NALF1: variants seen among roughly 807,000 people sequenced by gnomAD.
The protein encoded by NALF1 is NALCN channel auxiliary factor 1.
NALF1 carries 3 observed loss-of-function variants against 48.4 expected under a neutral mutation model. The observed-to-expected ratio is 0.06, with a 90% CI of 0.03 to 0.16. The LOEUF is 0.16. Among genes scored for constraint, NALF1 ranks in the 10% least tolerant of loss-of-function variants. NALF1 has a pLI of 1.00. For missense variants in NALF1, 526 were observed against 571.5 expected, an observed-to-expected ratio of 0.92 and a Z score of 0.81; for synonymous variants, 262 against 245.7, an observed-to-expected ratio of 1.07 and a Z score of -0.62.
At chr13:107,467,648 T>G (rs1451392193) in intron 1 of NALF1, among the ~76,000 whole-genome samples, 1 of 152,180 alleles carries the variant, frequency 6.6e-6, no homozygotes, top group Non-Finnish European at 1.5e-5. Context: ...AATATTGCAT[T>G]TAGTAGGGGA....
intron 1 of NALF1, among the ~76,000 whole-genome samples, chr13:107,310,963 C>T (rs1048676466): frequency 6.6e-6 from 1 of 152,010 alleles, no homozygotes; most frequent in Non-Finnish European, 1.5e-5. Flanking sequence ...GCCAAGCCAT[C>T]TGGATTATTT....
intron 1 of NALF1, among the ~76,000 whole-genome samples, chr13:107,701,515 G>A (rs970260916): frequency 1.8e-4 from 27 of 152,068 alleles, no homozygotes; most frequent in Non-Finnish European, 2.9e-4. Flanking sequence ...AGGGAGGGAG[G>A]AGGAAATGAG....
In NALF1 at chr13:107,728,567, C is replaced by A. The variant is rs554486833; in HGVS notation, c.915+137115G>T. Among the ~76,000 whole-genome samples, 11 of 151,230 alleles carry A rather than the reference C, an allele frequency of 7.3e-5. No homozygotes were observed. In the East Asian group the frequency reaches 2.0e-3, roughly 27 times the overall value. ...GGAAAGGGGAGGGACAGCATTAGGA[C>A]AAATACCTAATGCATGCGGGGCTTA... On this transcript the variant is annotated intron_variant, in intron 1 of 2. Coordinates refer to ENST00000375915, the MANE Select transcript of NALF1 (RefSeq NM_001080396.3).
intron 1 of NALF1, among the ~76,000 whole-genome samples, chr13:107,673,199 C>T (rs1023947687): frequency 2.4e-4 from 36 of 152,308 alleles, no homozygotes; most frequent in Non-Finnish European, 4.7e-4. Context: ...TTCCCCTTCT[C>T]TTTCCTCCTG....
intron 1 of NALF1, among the ~76,000 whole-genome samples, chr13:107,755,586 A>G (rs1208100502): frequency 6.6e-6 from 1 of 150,944 alleles, no homozygotes; most frequent in African/African-American, 2.4e-5. Context: ...CCCAGAAGGC[A>G]GGAACTGTTA....
At chr13:107,397,038 C>T (rs747853504) in intron 1 of NALF1, among the ~76,000 whole-genome samples, 5 of 152,148 alleles carry the variant, frequency 3.3e-5, no homozygotes, top group Admixed American at 6.5e-5. Context: ...GAGCACTACC[C>T]TTGGTGGAAG....
At chr13:107,741,858 G>A (rs916309654) in intron 1 of NALF1, among the ~76,000 whole-genome samples, 11 of 152,228 alleles carry the variant, frequency 7.2e-5, no homozygotes, top group South Asian at 2.1e-4. Context: ...AATGAACAAG[G>A]AAAAACAGAG....
intron 1 of NALF1, among the ~76,000 whole-genome samples, chr13:107,469,122 T>C (rs1164260568): frequency 1.3e-5 from 2 of 152,172 alleles, no homozygotes; most frequent in South Asian, 4.1e-4. Context: ...TACTCAGTTT[T>C]AAAATTCTAC....
intron 1 of NALF1, among the ~76,000 whole-genome samples, chr13:107,736,264 C>T (rs1312482370): frequency 1.3e-5 from 2 of 151,928 alleles, no homozygotes; most frequent in Admixed American, 1.3e-4. Context: ...AACAGCTGCA[C>T]TGTGTTTGTT....
intron 1 of NALF1, among the ~76,000 whole-genome samples, chr13:107,221,454 C>A (rs1879992181): frequency 1.3e-5 from 2 of 152,074 alleles, no homozygotes; most frequent in Non-Finnish European, 2.9e-5. Context: ...GCGGTGCATG[C>A]CTGTAATTCC....
chr13:107,577,872 T>C (rs920450178), intron 1 of NALF1, among the ~76,000 whole-genome samples: 31 of 152,184 alleles, frequency 2.0e-4, no homozygotes, highest in African/African-American at 7.0e-4. Context: ...AGTGGGCTCC[T>C]ATCCTTGCCC....
chr13:107,225,712 A>C (rs542596129), intron 1 of NALF1, among the ~76,000 whole-genome samples: 15 of 152,298 alleles, frequency 9.8e-5, no homozygotes, highest in South Asian at 4.1e-4. Flanking sequence ...CAAATAACAA[A>C]GTAAACTTAG....
At chr13:107,330,457 T>C (rs1443282815) in intron 1 of NALF1, among the ~76,000 whole-genome samples, 3 of 152,224 alleles carry the variant, frequency 2.0e-5, no homozygotes, top group Non-Finnish European at 4.4e-5. Flanking sequence ...TAATTCTCAT[T>C]TGGTTCTCAA....
intron 1 of NALF1, among the ~76,000 whole-genome samples, chr13:107,776,253 C>A (rs555609574): frequency 6.6e-6 from 1 of 152,242 alleles, no homozygotes; most frequent in Non-Finnish European, 1.5e-5. Flanking sequence ...AGGTTCTAGT[C>A]CTGCTCCATC....
At position 107,851,805 on chromosome 13, in the gene NALF1, C is replaced by CATTTTTTTTTTTTTTTT. The variant is rs1555329721; in HGVS notation, c.915+13876_915+13877insAAAAAAAAAAAAAAAAT. ...GGATTAAGGGCTTTACAGGCCCTTT[C>CATTTTTTTTTTTTTTTT]TTTTTTTTTTTTTTTTTTTTTGAGA... On this transcript the variant is annotated intron_variant, in intron 1 of 2. Transcript: ENST00000375915. 1.4e-3 allele frequency among the ~76,000 whole-genome samples: 151 copies of CATTTTTTTTTTTTTTTT among 104,718 alleles called. 19 individuals carry two copies. The highest frequency in any genetic ancestry group is 8.9e-3 in the East Asian group (31 of 3,488). 68.7% of individuals were successfully genotyped at this position (104,718 alleles called of 152,430 possible). A position where few individuals can be genotyped will look rare whatever the true frequency, so the allele number is the denominator to read the frequency against.
chr13:107,579,468 A>C (rs1048149356), intron 1 of NALF1, among the ~76,000 whole-genome samples: 1 of 152,184 alleles, frequency 6.6e-6, no homozygotes, highest in African/African-American at 2.4e-5. Flanking sequence ...TGGTCACTGG[A>C]GACAGAGCAA....
In NALF1 at chr13:107,303,349, C is replaced by T. The variant is rs143548616; in HGVS notation, c.916-92594G>A. On this transcript the variant is annotated intron_variant, in intron 1 of 2. Coordinates refer to ENST00000375915, the MANE Select transcript of NALF1 (RefSeq NM_001080396.3). The stretch of plus-strand genomic sequence containing the variant: ...AATGACTGAAGAGCAAGAGAAGAAA[C>T]ATATCAAGCGATATACAATGTATGT... 2.6e-3 allele frequency among the ~76,000 whole-genome samples: 393 copies of T among 152,190 alleles called. 2 individuals carry two copies. The highest frequency in any genetic ancestry group is 9.2e-3 in the African/African-American group (382 of 41,534).
intron 1 of NALF1, among the ~76,000 whole-genome samples, chr13:107,372,962 T>A (rs1274158982): frequency 9.8e-6 from 1 of 102,074 alleles, no homozygotes. Context: ...ACTGCTAGCA[T>A]CTGTTAATGA....
At chr13:107,175,947 T>C (rs983121846) in intron 2 of NALF1, among the ~76,000 whole-genome samples, 1 of 152,100 alleles carries the variant, frequency 6.6e-6, no homozygotes, top group Non-Finnish European at 1.5e-5. Flanking sequence ...CAGCTTCAGA[T>C]TTTTTTCCCT....
Sources: gnomAD v4.1 joint callset for allele counts (sites outside exome capture counted in the v4.1 genomes callset) on GRCh38, gnomAD v4.1.1 for gene constraint, MANE v1.5 for transcripts, NCBI Gene and HGNC (gene_info 2026-07-23, HGNC 2026-07-21) for gene names.